Variants in RTTN observed in about 807,000 individuals in gnomAD.
RTTN encodes the protein rotatin.
In RTTN, 182 loss-of-function variants were observed where a neutral mutation model predicts 269.2. That is an observed-to-expected ratio of 0.68 (90% CI 0.60 to 0.76). The LOEUF is 0.76. Ranked by LOEUF, RTTN falls within the 30% of genes least tolerant of loss-of-function variation. The pLI, the probability that RTTN is intolerant of heterozygous loss-of-function variation, is 0.00. For synonymous variants in RTTN, 1,006 were observed against 963.5 expected (o/e 1.04, Z -0.82); for missense variants, 2,545 against 2,608.6 (o/e 0.98, Z 0.53).
At chr18:70,027,273 C>T (rs924726779) in intron 43 of RTTN, among the ~76,000 whole-genome samples, 10 of 152,138 alleles carry the variant, frequency 6.6e-5, no homozygotes, top group African/African-American at 2.4e-4. Flanking sequence ...GGTGAATTAC[C>T]CAATAGTGGC....
chr18:70,037,067 C>T (rs759547779), intron 40 of RTTN, among the ~76,000 whole-genome samples: 1 of 152,234 alleles, frequency 6.6e-6, no homozygotes, highest in Non-Finnish European at 1.5e-5. Context: ...GCTCAGCCAA[C>T]ACCCATGCAT....
At chr18:70,058,475 G>A (rs1050963555) in intron 36 of RTTN, among the ~76,000 whole-genome samples, 4 of 152,112 alleles carry the variant, frequency 2.6e-5, no homozygotes, top group Non-Finnish European at 1.5e-5. Context: ...CCGAGATCGC[G>A]CCACTGCATT....
chr18:70,157,320 C>G (rs1012543526), intron 14 of RTTN, among the ~76,000 whole-genome samples: 2 of 152,152 alleles, frequency 1.3e-5, no homozygotes, highest in African/African-American at 4.8e-5. Context: ...TTCAGTGCAC[C>G]CCCAGGGTTA....
chr18:70,045,130 T>G (rs1265872819), intron 40 of RTTN, among the ~76,000 whole-genome samples: 1 of 152,198 alleles, frequency 6.6e-6, no homozygotes, highest in Non-Finnish European at 1.5e-5. Flanking sequence ...ACACATGACT[T>G]AAGATGTAAG....
intron 40 of RTTN, among the ~76,000 whole-genome samples, chr18:70,032,453 A>C (rs762773956): frequency 2.0e-4 from 30 of 152,202 alleles, no homozygotes; most frequent in Admixed American, 2.0e-4. Context: ...TCATGCAATG[A>C]CACACATAGG....
Position 70,051,456 on chromosome 18 carries a change from G to A in RTTN, c.5278C>T (p.Pro1760Ser), listed in dbSNP as rs1243149680. ...LLRKAGAITL[P>S]FVTVALAKHW... ...TTGGCCAGGGCCACGGTAACAAACGGGAGTGTGATGGCACCAGCTTTCCTC... is the reference window on the plus strand; with the variant it reads ...TTGGCCAGGGCCACGGTAACAAACGAGAGTGTGATGGCACCAGCTTTCCTC... The change falls in exon 39 of 49, where the codon CCG (proline) becomes TCG (serine). Residue 1760 changes from proline (P) to serine (S), a missense_variant. Coordinates refer to ENST00000640769, the MANE Select transcript of RTTN (RefSeq NM_173630.4). 6.2e-7 allele frequency: 1 copy of A among 1,613,846 alleles called. No homozygotes were observed. The highest frequency in any genetic ancestry group is 8.5e-7 in the Non-Finnish European group (1 of 1,179,942).
In RTTN at chr18:70,149,013, G is replaced by C. The variant is rs776126193; in HGVS notation, c.2197C>G (p.Leu733Val). 2 of 1,613,404 alleles carry C rather than the reference G, an allele frequency of 1.2e-6. No homozygotes were observed. Among genetic ancestry groups the C allele is most frequent in the South Asian group, 2.2e-5 (2 of 91,054 alleles). ...LQGYADTEDP[L>V]GNCILLLSKA... ...CTTAGAAGGAGAATGCAGTTACCCA[G>C]AGGATCTTCTGTGTCGGCATAGCCC... The change falls in exon 17 of 49, where the codon CTG becomes GTG. Residue 733 changes from leucine (L) to valine (V), a missense_variant. Transcript: ENST00000640769.
intron 16 of RTTN, 55 bp from the exon 17 acceptor site, chr18:70,149,092 C>T: frequency 6.7e-7 from 1 of 1,503,012 alleles, no homozygotes; most frequent in African/African-American, 1.4e-5. Context: ...CATAACTTTT[C>T]AACTTGAAAA....
chr18:70,118,214 C>G (rs1313160034), intron 26 of RTTN, among the ~76,000 whole-genome samples: 3 of 151,758 alleles, frequency 2.0e-5, no homozygotes, highest in African/African-American at 7.3e-5. Flanking sequence ...ATTGACAAAC[C>G]TTTAGCTAGA....
chr18:70,142,378 C>T lies in RTTN; in HGVS notation c.2491G>A (p.Val831Ile). Residue 831 changes from valine to isoleucine, a missense_variant, in exon 19 of 49, where the codon GTT (valine) becomes ATT (isoleucine). Val to Ile is a conservative substitution (Grantham distance 29, BLOSUM62 3). Transcript: ENST00000640769. ...RRELVIKLET[V>I]EKVYEIFTSD... ...GTGAAGATTTCATATACCTTTTCAA[C>T]AGTCTCCAACTACAAACCAAAAAAA... 1.3e-6 allele frequency: 2 copies of T among 1,547,736 alleles called. No homozygotes were observed. Among genetic ancestry groups the T allele is most frequent in the East Asian group, 2.2e-5 (1 of 44,490 alleles).
chr18:70,094,490 T>C (rs992249168), intron 28 of RTTN, among the ~76,000 whole-genome samples: 1 of 152,232 alleles, frequency 6.6e-6, no homozygotes, highest in Non-Finnish European at 1.5e-5. Context: ...TGTGTCTTTG[T>C]TCTCTTTGGT....
chr18:70,060,233 C>A (rs993798357), intron 35 of RTTN, among the ~76,000 whole-genome samples, 191 bp from the exon 36 acceptor site: 3 of 152,106 alleles, frequency 2.0e-5, no homozygotes, highest in African/African-American at 7.2e-5. Flanking sequence ...CCTCCACCTT[C>A]CACCATGTGT....
chr18:70,057,932 A>T, intron 36 of RTTN, 100 bp from the exon 37 acceptor site: 1 of 712,458 alleles, frequency 1.4e-6, no homozygotes, highest in Non-Finnish European at 2.3e-6. Flanking sequence ...CTCGAATACA[A>T]TTCAAGAGAA....
intron 40 of RTTN, among the ~76,000 whole-genome samples, chr18:70,043,912 G>A (rs2057416174): frequency 6.6e-6 from 1 of 152,214 alleles, no homozygotes; most frequent in Admixed American, 6.5e-5. Context: ...TGAGGAGCCT[G>A]GAGGCAGCAA....
Position 70,059,855 on chromosome 18 carries a change from GAGA to G in RTTN, c.4932_4934del (p.Leu1645del), listed in dbSNP as rs767841109. The G allele has an allele frequency of 7.5e-6, 12 of 1,597,662 alleles. No individual in the cohort carries two copies. Among genetic ancestry groups the G allele is most frequent in the Admixed American group, 1.7e-5 (1 of 57,748 alleles). ...TAGGAGTATTTATCTCTTACCTACA[GAGA>G]AGTTCTATGAGATGAGCTTGTCGAA... On this transcript the variant is annotated inframe_deletion, in exon 36 of 49. Coordinates refer to ENST00000640769, the MANE Select transcript of RTTN (RefSeq NM_173630.4).
chr18:70,172,750 T>A (rs530714237), intron 11 of RTTN, among the ~76,000 whole-genome samples: 1 of 152,036 alleles, frequency 6.6e-6, no homozygotes, highest in East Asian at 1.9e-4. Context: ...TAAAATAAAT[T>A]ACTGATTTCT....
At chr18:70,057,431 T>C (rs755506538) in intron 37 of RTTN, among the ~76,000 whole-genome samples, 1 of 152,180 alleles carries the variant, frequency 6.6e-6, no homozygotes, top group Non-Finnish European at 1.5e-5. Context: ...AAGCAGGAAG[T>C]GAACTATACC....
intron 21 of RTTN, chr18:70,138,442 G>A (rs888010501): frequency 3.9e-5 from 6 of 152,154 alleles, no homozygotes; most frequent in African/African-American, 4.8e-5. Flanking sequence ...GCCTTGAAAT[G>A]TGCTTTTGAA....
intron 10 of RTTN, among the ~76,000 whole-genome samples, chr18:70,180,947 C>T (rs1225802639): frequency 1.3e-5 from 2 of 152,148 alleles, no homozygotes; most frequent in Admixed American, 6.5e-5. Flanking sequence ...ATATTAATAA[C>T]GGGCAATCAA....
Sources: allele counts gnomAD v4.1 joint callset (sites outside exome capture counted in the v4.1 genomes callset), GRCh38; gene constraint gnomAD v4.1.1; transcripts MANE v1.5; gene names NCBI Gene and HGNC (gene_info 2026-07-23, HGNC 2026-07-21).